MCC: variants seen among roughly 807,000 people sequenced by gnomAD.
MCC encodes colorectal mutant cancer protein.
Under a neutral mutation model 116.2 loss-of-function variants are expected in MCC, and 90 were observed. The observed-to-expected ratio is 0.77, with a 90% CI of 0.65 to 0.92. The LOEUF (loss-of-function observed/expected upper bound fraction) is 0.92, where lower values mean the gene tolerates loss of function less well. Among genes scored for constraint, MCC ranks in the 40% least tolerant of loss-of-function variants. MCC has a pLI of 0.00. For synonymous variants in MCC, 578 were observed against 510.5 expected, an observed-to-expected ratio of 1.13 and a Z score of -1.78; for missense variants, 1,516 against 1,312.2, an observed-to-expected ratio of 1.16 and a Z score of -2.40.
intron 1 of MCC, among the ~76,000 whole-genome samples, chr5:113,463,680 G>A (rs1771815353): frequency 6.6e-6 from 1 of 152,182 alleles, no homozygotes; most frequent in Non-Finnish European, 1.5e-5. Context: ...GGCAGGAGAT[G>A]ATTTATAGGC....
intron 3 of MCC, among the ~76,000 whole-genome samples, chr5:113,318,937 G>A (rs908191030): frequency 6.6e-6 from 1 of 152,140 alleles, no homozygotes; most frequent in Non-Finnish European, 1.5e-5. Flanking sequence ...TGTGATCTCA[G>A]CTTACCGCAA....
At chr5:113,204,005 T>A (rs1021367821) in intron 3 of MCC, among the ~76,000 whole-genome samples, 1 of 152,168 alleles carries the variant, frequency 6.6e-6, no homozygotes, top group Non-Finnish European at 1.5e-5. Flanking sequence ...ATATCCCCTA[T>A]TTTCCGTCCT....
chr5:113,288,890 G>C (rs1766370662), intron 3 of MCC, among the ~76,000 whole-genome samples: 1 of 152,042 alleles, frequency 6.6e-6, no homozygotes, highest in East Asian at 1.9e-4. Context: ...AATAACAGAA[G>C]GCACCTCAGA....
chr5:113,029,150 T>TGCA, intron 17 of MCC, 94 bp from the exon 18 acceptor site: 1 of 1,334,486 alleles, frequency 7.5e-7, no homozygotes, highest in Non-Finnish European at 1.0e-6. Context: ...GAGGAAGGTT[T>TGCA]AGCTTGCAAA....
intron 1 of MCC, among the ~76,000 whole-genome samples, chr5:113,458,465 C>A (rs1580403009): frequency 6.6e-6 from 1 of 152,250 alleles, no homozygotes; most frequent in South Asian, 2.1e-4. Context: ...AGACGCGCCA[C>A]CTTAAGAGCT....
At position 113,130,111 on chromosome 5, in the gene MCC, TA is replaced by T. The variant is rs578033374; in HGVS notation, c.885-7286del. Among the ~76,000 whole-genome samples, 365 of 151,962 alleles carry T rather than the reference TA, an allele frequency of 2.4e-3. 2 individuals carry two copies. The highest frequency in any genetic ancestry group is 8.2e-3 in the African/African-American group (341 of 41,434). Reference sequence around the variant, plus strand: ...AAATGCCCATCAAGGATAGACTGGATAAAAAAAATGTGGCACATATATACCA... The same window carrying T: ...AAATGCCCATCAAGGATAGACTGGATAAAAAAATGTGGCACATATATACCA... On this transcript the variant is annotated intron_variant, in intron 5 of 18. Coordinates refer to ENST00000408903, the MANE Select transcript of MCC (RefSeq NM_001085377.2).
intron 3 of MCC, among the ~76,000 whole-genome samples, chr5:113,222,904 T>C (rs550380182): frequency 1.3e-4 from 20 of 152,168 alleles, no homozygotes; most frequent in Admixed American, 9.2e-4. Flanking sequence ...GGCTCTCCTG[T>C]GGGTATGATA....
intron 4 of MCC, among the ~76,000 whole-genome samples, chr5:113,147,026 T>C (rs574841417): frequency 3.9e-3 from 589 of 152,266 alleles, no homozygotes; most frequent in Middle Eastern, 6.8e-3. Context: ...AAGAAAAAAA[T>C]GATTGACATT....
chr5:113,248,801 A>C (rs1208620051), intron 3 of MCC, among the ~76,000 whole-genome samples: 1 of 150,292 alleles, frequency 6.7e-6, no homozygotes, highest in Non-Finnish European at 1.5e-5. Context: ...CTCAGTGCAC[A>C]TGCTGCATGT....
At chr5:113,216,737 G>C (rs1763333407) in intron 3 of MCC, among the ~76,000 whole-genome samples, 1 of 152,176 alleles carries the variant, frequency 6.6e-6, no homozygotes, top group African/African-American at 2.4e-5. Flanking sequence ...GTTTTGACTT[G>C]CCTATAGATG....
chr5:113,323,645 GA>G, intron 3 of MCC, among the ~76,000 whole-genome samples: 1 of 152,316 alleles, frequency 6.6e-6, no homozygotes, highest in East Asian at 1.9e-4. Context: ...GACTTCTTGT[GA>G]AAAGTTTAAA....
chr5:113,039,990 C>T (rs1751589466), intron 17 of MCC, among the ~76,000 whole-genome samples: 1 of 151,652 alleles, frequency 6.6e-6, no homozygotes, highest in Non-Finnish European at 1.5e-5. Context: ...AAGGTTTTTA[C>T]AGCACACAGG....
At position 113,279,554 on chromosome 5, in the gene MCC, T is replaced by C. The variant is rs181379628; in HGVS notation, c.627+60965A>G. On this transcript the variant is annotated intron_variant, in intron 3 of 18. Transcript: ENST00000408903. ...AAATGAATATCGGAGCTTAACTGCA[T>C]GGACTTCGTATCTTTGTAAGAAAGG... 1.2e-3 allele frequency among the ~76,000 whole-genome samples: 187 copies of C among 152,356 alleles called. 6 individuals are homozygous for C. The East Asian group carries it at 0.021, about 17-fold the overall frequency.
chr5:113,039,204 T>C (rs1319071280), intron 17 of MCC, among the ~76,000 whole-genome samples: 2 of 152,200 alleles, frequency 1.3e-5, no homozygotes, highest in African/African-American at 2.4e-5. Context: ...ATCCTTACTT[T>C]AAAAAGATAT....
At chr5:113,455,025 C>T (rs1771504436) in intron 1 of MCC, among the ~76,000 whole-genome samples, 1 of 152,172 alleles carries the variant, frequency 6.6e-6, no homozygotes, top group South Asian at 2.1e-4. Context: ...AGCTCTCCCC[C>T]AGGACACACC....
At chr5:113,201,985 C>T (rs1394432219) in intron 3 of MCC, among the ~76,000 whole-genome samples, 2 of 152,106 alleles carry the variant, frequency 1.3e-5, no homozygotes, top group Non-Finnish European at 2.9e-5. Flanking sequence ...ATTTTCATCG[C>T]TCCTCTTTCC....
chr5:113,111,736 T>C (rs1670729161), intron 6 of MCC, among the ~76,000 whole-genome samples: 1 of 152,212 alleles, frequency 6.6e-6, no homozygotes, highest in African/African-American at 2.4e-5. Flanking sequence ...AGTTGCATTT[T>C]CCAGGAACCT....
intron 3 of MCC, among the ~76,000 whole-genome samples, chr5:113,325,279 T>C (rs1232043546): frequency 6.6e-6 from 1 of 152,168 alleles, no homozygotes; most frequent in Non-Finnish European, 1.5e-5. Flanking sequence ...TTGAAAGATA[T>C]TATAGGGGCA....
At chr5:113,287,696 C>T (rs1365915218) in intron 3 of MCC, among the ~76,000 whole-genome samples, 1 of 152,184 alleles carries the variant, frequency 6.6e-6, no homozygotes, top group Admixed American at 6.5e-5. Context: ...TGGGAGAAAG[C>T]CTTCCTCATG....
Sources: allele counts gnomAD v4.1 joint callset (sites outside exome capture counted in the v4.1 genomes callset), GRCh38; gene constraint gnomAD v4.1.1; transcripts MANE v1.5; gene names NCBI Gene and HGNC (gene_info 2026-07-23, HGNC 2026-07-21).